NELL2: variants seen among roughly 807,000 people sequenced by gnomAD.
NELL2 encodes protein kinase C-binding protein NELL2.
In NELL2, 41 loss-of-function variants were observed where a neutral mutation model predicts 109.6. The observed-to-expected ratio is 0.37, with a 90% CI of 0.29 to 0.49. The LOEUF is 0.49. Ranked by LOEUF, NELL2 falls within the 20% of genes least tolerant of loss-of-function variation. NELL2 has a pLI of 0.98. For synonymous variants in NELL2, 355 were observed against 344.7 expected (o/e 1.03, Z -0.33); for missense variants, 900 against 1,008.3 (o/e 0.89, Z 1.45).
At chr12:44,546,460 T>C (rs147948104) in intron 15 of NELL2, among the ~76,000 whole-genome samples, 74 of 152,250 alleles carry the variant, frequency 4.9e-4, no homozygotes, top group African/African-American at 1.7e-3. Context: ...GGAAACATCA[T>C]ATCTCTCCCA....
chr12:44,832,592 G>C (rs1323639193), intron 2 of NELL2, among the ~76,000 whole-genome samples: 1 of 152,172 alleles, frequency 6.6e-6, no homozygotes, highest in African/African-American at 2.4e-5. Flanking sequence ...TCATAACAAA[G>C]AGCATATTGT....
chr12:44,816,284 C>T, intron 2 of NELL2, 148 bp from the exon 3 acceptor site: 1 of 609,508 alleles, frequency 1.6e-6, no homozygotes, highest in Admixed American at 3.4e-5. Context: ...AATTATTTTT[C>T]AAAAAGACTT....
chr12:44,914,732 G>T (rs944885493), upstream of NELL2, among the ~76,000 whole-genome samples: 1 of 152,154 alleles, frequency 6.6e-6, no homozygotes, highest in Non-Finnish European at 1.5e-5. Context: ...GGAGGTGTTG[G>T]GAAAGCTATT....
chr12:44,658,577 T>G (rs1182496451), intron 13 of NELL2, among the ~76,000 whole-genome samples: 1 of 152,054 alleles, frequency 6.6e-6, no homozygotes, highest in East Asian at 1.9e-4. Flanking sequence ...CTTCACAGAA[T>G]TAGAAAAAAC....
intron 15 of NELL2, among the ~76,000 whole-genome samples, chr12:44,539,255 G>A (rs1370882916): frequency 6.6e-6 from 1 of 152,010 alleles, no homozygotes; most frequent in East Asian, 1.9e-4. Flanking sequence ...CTGTTCAAAA[G>A]CATTTTTAAT....
chr12:44,700,689 G>A (rs1001734590), intron 12 of NELL2, among the ~76,000 whole-genome samples: 1 of 152,062 alleles, frequency 6.6e-6, no homozygotes, highest in African/African-American at 2.4e-5. Context: ...CAGATCATAT[G>A]CCCTATTAAT....
intron 13 of NELL2, among the ~76,000 whole-genome samples, chr12:44,629,666 A>G (rs958388075): frequency 6.6e-6 from 1 of 152,214 alleles, no homozygotes; most frequent in Non-Finnish European, 1.5e-5. Flanking sequence ...TATTTTCCTC[A>G]TTCATTTTTA....
intron 15 of NELL2, among the ~76,000 whole-genome samples, chr12:44,603,638 C>T (rs1286734445): frequency 6.6e-6 from 1 of 152,108 alleles, no homozygotes. Flanking sequence ...TTATGCTGTA[C>T]ATGCGGGTGA....
intron 16 of NELL2, among the ~76,000 whole-genome samples, chr12:44,526,125 A>G (rs142191106): frequency 6.6e-6 from 1 of 152,240 alleles, no homozygotes; most frequent in Non-Finnish European, 1.5e-5. Flanking sequence ...AAGCCAATAA[A>G]ATGTCATTTT....
intron 10 of NELL2, among the ~76,000 whole-genome samples, chr12:44,712,181 A>G (rs557928849): frequency 9.9e-5 from 15 of 152,228 alleles, no homozygotes; most frequent in African/African-American, 3.4e-4. Flanking sequence ...ATAAGTAATT[A>G]AATAACTCTT....
chr12:44,580,108 A>G (rs1325368530), intron 15 of NELL2, among the ~76,000 whole-genome samples: 1 of 152,150 alleles, frequency 6.6e-6, no homozygotes, highest in African/African-American at 2.4e-5. Flanking sequence ...ATGTGTTTAG[A>G]GAGAAAATCT....
intron 2 of NELL2, among the ~76,000 whole-genome samples, chr12:44,860,967 A>G (rs912944034): frequency 3.9e-5 from 6 of 152,234 alleles, no homozygotes; most frequent in Admixed American, 3.9e-4. Context: ...AGAAGTACCA[A>G]GAACCACACA....
chr12:44,840,962 G>A (rs1944209527), intron 2 of NELL2, among the ~76,000 whole-genome samples: 1 of 152,138 alleles, frequency 6.6e-6, no homozygotes, highest in Non-Finnish European at 1.5e-5. Flanking sequence ...AGAACACTGT[G>A]GCAGATAGAC....
chr12:44,812,961 A>T (rs1943226653), intron 3 of NELL2, among the ~76,000 whole-genome samples: 1 of 152,206 alleles, frequency 6.6e-6, no homozygotes, highest in Non-Finnish European at 1.5e-5. Context: ...TTAAGAACTT[A>T]TCTCTAAGGC....
At position 44,770,961 on chromosome 12, in the gene NELL2, G is replaced by A. The variant is rs1176571882; in HGVS notation, c.994+3786C>T. ...AATTAAATTGTTTCCTAAATTCAGT[G>A]ACTTTCAGTAACATTTGATTTCCTA... On this transcript the variant is annotated intron_variant, in intron 9 of 19. Transcript: ENST00000429094. 2.6e-5 allele frequency among the ~76,000 whole-genome samples: 4 copies of A among 152,146 alleles called. No homozygotes were observed. In the East Asian group the frequency reaches 7.7e-4, roughly 29 times the overall value.
intron 15 of NELL2, among the ~76,000 whole-genome samples, chr12:44,564,800 T>A (rs1259130665): frequency 6.6e-6 from 1 of 152,214 alleles, no homozygotes; most frequent in Non-Finnish European, 1.5e-5. Flanking sequence ...TTTCTTTCAT[T>A]ACACACTACA....
chr12:44,800,901 G>T (rs1462682146), intron 3 of NELL2, among the ~76,000 whole-genome samples: 2 of 152,136 alleles, frequency 1.3e-5, no homozygotes, highest in East Asian at 3.8e-4. Flanking sequence ...TGTCAACACT[G>T]CATCATCTGT....
intron 3 of NELL2, among the ~76,000 whole-genome samples, chr12:44,789,398 G>A (rs1362129031): frequency 6.6e-6 from 1 of 152,106 alleles, no homozygotes; most frequent in East Asian, 1.9e-4. Flanking sequence ...CAGCTTCACA[G>A]GAAGACACAT....
intron 1 of NELL2, among the ~76,000 whole-genome samples, chr12:44,898,417 C>T (rs1354406168): frequency 6.6e-6 from 1 of 152,186 alleles, no homozygotes; most frequent in Non-Finnish European, 1.5e-5. Flanking sequence ...GAGCAGGCAG[C>T]AAACTCTGCT....
Sources: allele counts gnomAD v4.1 joint callset (sites outside exome capture counted in the v4.1 genomes callset), GRCh38; gene constraint gnomAD v4.1.1; transcripts MANE v1.5; gene names NCBI Gene and HGNC (gene_info 2026-07-23, HGNC 2026-07-21).